The following FGF17 variants were observed in gnomAD, a reference collection of about 807,000 sequenced individuals.
The protein encoded by FGF17 is fibroblast growth factor 17.
Under a neutral mutation model 23.5 loss-of-function variants are expected in FGF17, and 5 were observed. The observed-to-expected ratio is 0.21, with a 90% CI of 0.11 to 0.45. The LOEUF (loss-of-function observed/expected upper bound fraction) is 0.45. FGF17 is among the 20% of genes least tolerant of loss of function. The pLI is 0.99. For synonymous variants in FGF17, 136 were observed against 123.0 expected, an observed-to-expected ratio of 1.11 and a Z score of -0.70; for missense variants, 221 against 306.9, an observed-to-expected ratio of 0.72 and a Z score of 2.09.
intron 2 of FGF17, among the ~76,000 whole-genome samples, chr8:22,043,889 C>G (rs949314402): frequency 2.0e-5 from 3 of 152,238 alleles, no homozygotes; most frequent in African/African-American, 4.8e-5. Flanking sequence ...GGGGAGAGAT[C>G]GCTTGGCTTT....
At chr8:22,045,168 T>C in intron 2 of FGF17, 1 of 977,976 alleles carries the variant, frequency 1.0e-6, no homozygotes, top group East Asian at 1.1e-4. Context: ...GAGGCGGTAC[T>C]CCTCCTGGCT....
chr8:22,043,042 A>ACGCGTG, intron 1 of FGF17, 79 bp downstream of exon 1: 2 of 1,596,924 alleles, frequency 1.3e-6, no homozygotes, highest in African/African-American at 2.7e-5. Flanking sequence ...CGGGACTCCC[A>ACGCGTG]CGCGTGCGTG....
chr8:22,044,692 G>A (rs1009245426), intron 2 of FGF17: 10 of 985,602 alleles, frequency 1.0e-5, no homozygotes, highest in Middle Eastern at 5.1e-4. Flanking sequence ...GCGAGGGGCA[G>A]GTCTTGCAGA....
At chr8:22,044,740 G>A in intron 2 of FGF17, 1 of 985,488 alleles carries the variant, frequency 1.0e-6, no homozygotes, top group Non-Finnish European at 1.2e-6. Flanking sequence ...GGTGCAATTG[G>A]AAATGAGCAA....
At chr8:22,042,645 G>C, upstream of FGF17, 1 of 594,104 alleles carries the variant, frequency 1.7e-6, no homozygotes, top group Non-Finnish European at 3.0e-6. Context: ...GAGACTGGCA[G>C]CCCAGAGGGC....
chr8:22,040,070 C>A (rs1800716013), upstream of FGF17, among the ~76,000 whole-genome samples: 1 of 152,106 alleles, frequency 6.6e-6, no homozygotes, highest in Non-Finnish European at 1.5e-5. Flanking sequence ...AAACCCCACC[C>A]TTCTTCCCTC....
upstream of FGF17, among the ~76,000 whole-genome samples, chr8:22,041,580 C>T (rs1051155458): frequency 1.3e-5 from 2 of 152,156 alleles, no homozygotes; most frequent in Admixed American, 6.5e-5. Context: ...CAGCATGGAG[C>T]TCTCTGTTCA....
intron 2 of FGF17, chr8:22,045,204 T>C: frequency 1.0e-6 from 1 of 985,454 alleles, no homozygotes; most frequent in Middle Eastern, 5.2e-4. Context: ...GGGGAAATGG[T>C]TCCTCTCCCC....
chr8:22,042,788 C>T, upstream of FGF17: 1 of 745,870 alleles, frequency 1.3e-6, no homozygotes, highest in Non-Finnish European at 2.3e-6. Flanking sequence ...CTCCTCCTCC[C>T]CTTTCTCTCC....
intron 2 of FGF17, chr8:22,044,721 C>G (rs957423863): frequency 2.0e-6 from 2 of 985,376 alleles, no homozygotes; most frequent in African/African-American, 3.5e-5. Context: ...AGAGGCTGCT[C>G]TATGGGGAGG....
At chr8:22,044,143 C>T (rs932197875) in intron 2 of FGF17, among the ~76,000 whole-genome samples, 8 of 152,028 alleles carry the variant, frequency 5.3e-5, no homozygotes, top group Admixed American at 2.0e-4. Flanking sequence ...TGGGGGTGGG[C>T]CCAACCTGTT....
intron 2 of FGF17, among the ~76,000 whole-genome samples, chr8:22,043,630 C>A (rs1321837882): frequency 6.6e-6 from 1 of 152,218 alleles, no homozygotes; most frequent in Admixed American, 6.5e-5. Flanking sequence ...GTGAGCATGT[C>A]CAGAATGCCT....
intron 2 of FGF17, chr8:22,045,506 C>T (rs965903624): frequency 9.1e-6 from 9 of 992,144 alleles, no homozygotes; most frequent in Non-Finnish European, 9.6e-6. Context: ...TGGGTATGAG[C>T]TCAGGATTCC....
At chr8:22,045,403 C>T (rs2129667667) in intron 2 of FGF17, 1 of 989,614 alleles carries the variant, frequency 1.0e-6, no homozygotes, top group Admixed American at 6.1e-5. Context: ...TCCCATAGTG[C>T]CCAGCCCCAG....
chr8:22,041,223 C>CTGAG (rs3176252), upstream of FGF17, among the ~76,000 whole-genome samples: 1,955 of 152,314 alleles, frequency 0.013, 21 homozygotes, highest in South Asian at 0.029. Context: ...GCACCCACTC[C>CTGAG]TGGGCTGGGT....
chr8:22,044,228 G>A (rs1800805918), intron 2 of FGF17, among the ~76,000 whole-genome samples: 1 of 152,122 alleles, frequency 6.6e-6, no homozygotes, highest in South Asian at 2.1e-4. Flanking sequence ...CAGGACTCAG[G>A]GAAGGTGGCA....
chr8:22,043,203 CT>C (rs1316148930), intron 2 of FGF17, 22 bp downstream of exon 2: 8 of 1,612,176 alleles, frequency 5.0e-6, no homozygotes, highest in African/African-American at 4.0e-5. Flanking sequence ...TTCCCACCGG[CT>C]TTCCCCCAAT....
In FGF17 at chr8:22,046,501, G is replaced by A. The variant is rs1242669235; in HGVS notation, c.251-26G>A. On this transcript the variant is annotated intron_variant, in intron 3 of 4. Coordinates refer to ENST00000359441, the MANE Select transcript of FGF17 (RefSeq NM_003867.4). Reference sequence around the variant, plus strand: ...TAGGCCGGCAGCCCCGATGGACGGAGGTCTTTCTCCCCTCCCCCACCACAG... The same window carrying A: ...TAGGCCGGCAGCCCCGATGGACGGAAGTCTTTCTCCCCTCCCCCACCACAG... The A allele has an allele frequency of 9.5e-6, 15 of 1,585,838 alleles. 1 individual carries two copies. The highest frequency in any genetic ancestry group is 6.8e-5 in the Admixed American group (4 of 58,626).
chr8:22,047,901 AC>A, intron 4 of FGF17, 54 bp from the exon 5 acceptor site: 6 of 1,544,160 alleles, frequency 3.9e-6, no homozygotes, highest in Non-Finnish European at 5.3e-6. Flanking sequence ...TAAGGGCGAC[AC>A]CCCAGACCAG....
Sources: gnomAD v4.1 joint callset for allele counts (sites outside exome capture counted in the v4.1 genomes callset) on GRCh38, gnomAD v4.1.1 for gene constraint, MANE v1.5 for transcripts, NCBI Gene and HGNC (gene_info 2026-07-23, HGNC 2026-07-21) for gene names.